Variants in CDKL1 observed in about 807,000 individuals in gnomAD.
The protein encoded by CDKL1 is cyclin dependent kinase like 1.
CDKL1 carries 41 observed loss-of-function variants against 42.0 expected under a neutral mutation model. That is an observed-to-expected ratio of 0.98 (90% CI 0.76 to 1.27). The LOEUF (loss-of-function observed/expected upper bound fraction) is 1.27, where lower values mean the gene tolerates loss of function less well. CDKL1 is among the 50% of genes most tolerant of loss of function. The pLI is 0.00. For missense variants in CDKL1, 394 were observed against 428.4 expected, an observed-to-expected ratio of 0.92 and a Z score of 0.71; for synonymous variants, 153 against 158.6, an observed-to-expected ratio of 0.96 and a Z score of 0.26.
At chr14:50,359,182 G>T in intron 2 of CDKL1, 33 bp from the exon 3 acceptor site, 1 of 1,586,980 alleles carries the variant, frequency 6.3e-7, no homozygotes, top group South Asian at 1.1e-5. Flanking sequence ...TACTAAATTT[G>T]ACTTGTGAAA....
At chr14:50,332,877 TCC>T in intron 8 of CDKL1, 2 of 451,166 alleles carry the variant, frequency 4.4e-6, no homozygotes, top group Non-Finnish European at 7.7e-6. Flanking sequence ...CTGTAGGTGT[TCC>T]CTTCACCCTT....
At chr14:50,353,821 A>T (rs539055925) in intron 3 of CDKL1, among the ~76,000 whole-genome samples, 13 of 152,304 alleles carry the variant, frequency 8.5e-5, no homozygotes, top group Middle Eastern at 3.4e-3. Context: ...GCTTGAGCCC[A>T]GGAGTTCAAG....
intron 3 of CDKL1, among the ~76,000 whole-genome samples, chr14:50,358,726 G>A (rs1036268988): frequency 7.6e-6 from 1 of 132,224 alleles, no homozygotes; most frequent in Non-Finnish European, 1.5e-5. Flanking sequence ...TGCAACCTCC[G>A]CCTCCCAAGT....
At chr14:50,332,679 A>C (rs940566696) in intron 8 of CDKL1, 3 of 1,533,424 alleles carry the variant, frequency 2.0e-6, no homozygotes, top group African/African-American at 2.7e-5. Context: ...TCTTGAAGCA[A>C]TTGGTACTCT....
chr14:50,387,342 T>C (rs530153007), intron 2 of CDKL1, among the ~76,000 whole-genome samples: 1 of 151,806 alleles, frequency 6.6e-6, no homozygotes, highest in East Asian at 1.9e-4. Flanking sequence ...TCCAACATGG[T>C]GAAACCCCGT....
intron 2 of CDKL1, among the ~76,000 whole-genome samples, chr14:50,382,820 T>C (rs780748894): frequency 1.3e-5 from 2 of 152,194 alleles, no homozygotes; most frequent in Non-Finnish European, 2.9e-5. Context: ...CTTGAACTCC[T>C]GAGCTCAAGC....
intron 2 of CDKL1, among the ~76,000 whole-genome samples, chr14:50,380,812 T>TTTTTTTTTTTTTTTTG (rs1447417583): frequency 1.3e-5 from 2 of 150,480 alleles, no homozygotes; most frequent in Non-Finnish European, 3.0e-5. Context: ...CTTTTTTTTT[T>TTTTTTTTTTTTTTTTG]GGGACAGAGC....
rs1187265907 is a variant in CDKL1, at chr14:50,329,183, C to T, written c.*891G>A. On this transcript the variant is annotated 3_prime_UTR_variant, in exon 10 of 10. Transcript: ENST00000395834. Reference sequence around the variant, plus strand: ...GCTCACAAGTAATTTCTTCTGAAACCCAGATCACTGAATTACAGGTTTGCC... The same window carrying T: ...GCTCACAAGTAATTTCTTCTGAAACTCAGATCACTGAATTACAGGTTTGCC... 2 of 151,832 alleles carry T rather than the reference C, an allele frequency of 1.3e-5. No homozygotes were observed. The highest frequency in any genetic ancestry group is 4.8e-5 in the African/African-American group (2 of 41,310). The allele number at this position is 151,832 out of a possible 1,614,324, so 9.4% of individuals were successfully genotyped here.
intron 6 of CDKL1, among the ~76,000 whole-genome samples, chr14:50,339,577 G>A (rs1031146353): frequency 2.0e-5 from 3 of 151,624 alleles, no homozygotes; most frequent in Admixed American, 6.6e-5. Flanking sequence ...AAGAAATCAC[G>A]GATTTTCTAG....
intron 7 of CDKL1, chr14:50,334,866 T>C (rs2033167035): frequency 2.7e-6 from 1 of 364,812 alleles, no homozygotes; most frequent in Non-Finnish European, 4.9e-6. Flanking sequence ...CTGATACCAA[T>C]GGAGATAGCA....
In CDKL1 at chr14:50,370,703, A is replaced by G. The variant is rs143245325; in HGVS notation, c.169-11554T>C. Among the ~76,000 whole-genome samples, 476 of 152,318 alleles carry G rather than the reference A, an allele frequency of 3.1e-3. 1 individual carries two copies. In the Middle Eastern group the frequency reaches 0.044, roughly 14 times the overall value. ...CTAGGGAGGCCTCAGGAAGCTTACA[A>G]TCATGGCAAAAGGTGAAGGAGGGGC... On this transcript the variant is annotated intron_variant, in intron 2 of 9. Transcript: ENST00000395834.
chr14:50,395,279 G>A (rs532634439), intron 2 of CDKL1, among the ~76,000 whole-genome samples: 2 of 152,310 alleles, frequency 1.3e-5, no homozygotes, highest in African/African-American at 2.4e-5. Flanking sequence ...GAGAAATTAT[G>A]GGGAAGAAAA....
chr14:50,356,829 C>A (rs944771800), intron 3 of CDKL1, among the ~76,000 whole-genome samples: 1 of 152,178 alleles, frequency 6.6e-6, no homozygotes, highest in Admixed American at 6.5e-5. Flanking sequence ...CTGTTTTCTG[C>A]AACTCCCATA....
intron 2 of CDKL1, among the ~76,000 whole-genome samples, chr14:50,389,302 T>C (rs2035183172): frequency 6.6e-6 from 1 of 152,154 alleles, no homozygotes; most frequent in East Asian, 1.9e-4. Context: ...GCACCTAGGA[T>C]ACACTCAACA....
At chr14:50,386,271 AAAAT>A (rs1228388754) in intron 2 of CDKL1, among the ~76,000 whole-genome samples, 1 of 152,052 alleles carries the variant, frequency 6.6e-6, no homozygotes, top group African/African-American at 2.4e-5. Flanking sequence ...ATCTCTACAA[AAAAT>A]AAATAAATTA....
Position 50,328,122 on chromosome 14 carries a change from A to G in CDKL1, c.*1952T>C, listed in dbSNP as rs572432387. The G allele has an allele frequency of 6.6e-6, 1 of 152,310 alleles. No individual in the cohort carries two copies. Among genetic ancestry groups the G allele is most frequent in the South Asian group, 2.1e-4 (1 of 4,826 alleles). The allele number at this position is 152,310 out of a possible 1,614,324, so 9.4% of individuals were successfully genotyped here. The stretch of plus-strand genomic sequence containing the variant: ...ATTCACCACGATTTAGTCTAGAGCT[A>G]CTTTTCTATTCTGAATAGTTTTTGG... On this transcript the variant is annotated 3_prime_UTR_variant, in exon 10 of 10. Transcript: ENST00000395834.
At chr14:50,334,041 T>G (rs1201387947) in intron 8 of CDKL1, 1 of 152,118 alleles carries the variant, frequency 6.6e-6, no homozygotes, top group Non-Finnish European at 1.5e-5. Context: ...TTCTGTTTTG[T>G]GTAAATTTAG....
At chr14:50,377,453 G>C in intron 2 of CDKL1, 1 of 507,886 alleles carries the variant, frequency 2.0e-6, no homozygotes, top group South Asian at 5.5e-5. Flanking sequence ...CTGCTCTCTG[G>C]TATCACTTCC....
At chr14:50,366,408 T>C (rs2034437208) in intron 2 of CDKL1, among the ~76,000 whole-genome samples, 1 of 152,138 alleles carries the variant, frequency 6.6e-6, no homozygotes, top group African/African-American at 2.4e-5. Context: ...TGAAAGACAG[T>C]GTGGCTGGTG....
Sources: gnomAD v4.1 joint callset for allele counts (sites outside exome capture counted in the v4.1 genomes callset) on GRCh38, gnomAD v4.1.1 for gene constraint, MANE v1.5 for transcripts, NCBI Gene and HGNC (gene_info 2026-07-23, HGNC 2026-07-21) for gene names.